The following PALLD variants were observed in gnomAD, a reference collection of about 807,000 sequenced individuals.
PALLD encodes the protein palladin, cytoskeletal associated protein, also known as palladin.
PALLD carries 61 observed loss-of-function variants against 123.5 expected under a neutral mutation model. The ratio of observed to expected loss-of-function variants is 0.49; its 90% CI spans 0.40 to 0.61. The LOEUF is 0.61. Ranked by LOEUF, PALLD falls within the 20% of genes least tolerant of loss-of-function variation. PALLD has a pLI of 0.00. For missense variants in PALLD, 1,273 were observed against 1,377.0 expected, an observed-to-expected ratio of 0.92 and a Z score of 1.20; for synonymous variants, 465 against 496.4, an observed-to-expected ratio of 0.94 and a Z score of 0.84.
intron 10 of PALLD, among the ~76,000 whole-genome samples, chr4:168,763,564 C>G (rs2150457323): frequency 6.6e-6 from 1 of 152,302 alleles, no homozygotes; most frequent in East Asian, 1.9e-4. Flanking sequence ...TTAAGCCACA[C>G]ACTTACAGAA....
At chr4:168,593,287 G>A (rs17054375) in intron 2 of PALLD, among the ~76,000 whole-genome samples, 6,498 of 151,728 alleles carry the variant, frequency 0.043, 437 homozygotes, top group African/African-American at 0.15. Flanking sequence ...GGATTCTTTC[G>A]AATATCATGG....
At chr4:168,840,882 G>A (rs1249812750) in intron 10 of PALLD, among the ~76,000 whole-genome samples, 1 of 151,996 alleles carries the variant, frequency 6.6e-6, no homozygotes, top group Non-Finnish European at 1.5e-5. Context: ...ACCAAGTTTC[G>A]CTCTGTTGCC....
At chr4:168,785,808 AGG>A (rs1195141574) in intron 10 of PALLD, among the ~76,000 whole-genome samples, 1 of 143,832 alleles carries the variant, frequency 7.0e-6, no homozygotes, top group Non-Finnish European at 1.5e-5. Flanking sequence ...TTTAAAATAA[AGG>A]GAGAGGGGAC....
intron 10 of PALLD, among the ~76,000 whole-genome samples, chr4:168,716,878 C>A (rs1032219997): frequency 6.6e-6 from 1 of 152,162 alleles, no homozygotes; most frequent in African/African-American, 2.4e-5. Flanking sequence ...GTTTCCTCCA[C>A]ACTCCTAGAC....
chr4:168,567,425 A>G (rs1768508204), intron 2 of PALLD, among the ~76,000 whole-genome samples: 1 of 151,984 alleles, frequency 6.6e-6, no homozygotes, highest in Admixed American at 6.6e-5. Context: ...AAAATGCTCA[A>G]CATTACTAAT....
At chr4:168,751,702 G>A (rs115497156) in intron 10 of PALLD, among the ~76,000 whole-genome samples, 160 of 152,274 alleles carry the variant, frequency 1.1e-3, no homozygotes, top group African/African-American at 3.6e-3. Context: ...GCATGCACAC[G>A]TATCATGTTC....
chr4:168,692,505 A>G (rs767730522), intron 8 of PALLD, among the ~76,000 whole-genome samples: 2 of 152,226 alleles, frequency 1.3e-5, no homozygotes, highest in African/African-American at 4.8e-5. Flanking sequence ...TTTCTAATAC[A>G]TGGATTTTCT....
intron 10 of PALLD, among the ~76,000 whole-genome samples, chr4:168,742,655 A>G (rs976366795): frequency 2.0e-5 from 3 of 152,194 alleles, no homozygotes; most frequent in African/African-American, 7.2e-5. Context: ...AAAATCAATA[A>G]TCAGAATTTT....
At chr4:168,848,128 T>C (rs1185689719) in intron 10 of PALLD, among the ~76,000 whole-genome samples, 1 of 151,898 alleles carries the variant, frequency 6.6e-6, no homozygotes, top group Non-Finnish European at 1.5e-5. Flanking sequence ...TGAGTTAGCC[T>C]CCTCCGGCAA....
intron 10 of PALLD, among the ~76,000 whole-genome samples, chr4:168,852,336 C>T (rs1372209060): frequency 6.6e-6 from 1 of 151,626 alleles, no homozygotes; most frequent in Non-Finnish European, 1.5e-5. Context: ...GTTTTGATCA[C>T]TACTAGATTT....
At chr4:168,621,879 T>C (rs1774796130) in intron 2 of PALLD, among the ~76,000 whole-genome samples, 1 of 152,102 alleles carries the variant, frequency 6.6e-6, no homozygotes, top group South Asian at 2.1e-4. Flanking sequence ...AAATCTACCG[T>C]AAAAGTCCTT....
At position 168,896,409 on chromosome 4, in the gene PALLD, G is replaced by T. The variant is rs1755178956; in HGVS notation, c.2200-140G>T. 4.6e-6 allele frequency: 3 copies of T among 646,572 alleles called. No individual in the cohort carries two copies. The African/African-American group carries it at 5.4e-5, about 12-fold the overall frequency. 40.1% of individuals were successfully genotyped at this position (646,572 alleles called of 1,614,324 possible). The stretch of plus-strand genomic sequence containing the variant: ...TGTACCAAAAGTGAGAAGCAGAATG[G>T]TTGTGTGAGTACTCACAGCACCGTT... On this transcript the variant is annotated intron_variant, in intron 12 of 21. Transcript: ENST00000505667.
chr4:168,846,613 G>A (rs1746890686), intron 10 of PALLD, among the ~76,000 whole-genome samples: 1 of 152,192 alleles, frequency 6.6e-6, no homozygotes, highest in African/African-American at 2.4e-5. Context: ...ATGGTAGTGA[G>A]ATGTAACAGA....
intron 8 of PALLD, among the ~76,000 whole-genome samples, chr4:168,707,251 G>C (rs1330647900): frequency 6.6e-6 from 1 of 152,206 alleles, no homozygotes; most frequent in Non-Finnish European, 1.5e-5. Flanking sequence ...CTGCAATACA[G>C]TAGAGCACCC....
At chr4:168,797,865 T>C (rs1362906810) in intron 10 of PALLD, among the ~76,000 whole-genome samples, 1 of 151,498 alleles carries the variant, frequency 6.6e-6, no homozygotes, top group Non-Finnish European at 1.5e-5. Context: ...GCTTGCTCGT[T>C]ACAAAGCATA....
intron 10 of PALLD, among the ~76,000 whole-genome samples, chr4:168,838,667 CTTTTTTTTTTTTTTTTT>C (rs70961558): frequency 2.3e-5 from 2 of 88,780 alleles, no homozygotes; most frequent in African/African-American, 1.1e-4. Context: ...CTTCTAACTC[CTTTTTTTTTTTTTTTTT>C]TTTTTTTTTG....
At chr4:168,923,738 C>T (rs2126556318) in intron 18 of PALLD, among the ~76,000 whole-genome samples, 1 of 152,280 alleles carries the variant, frequency 6.6e-6, no homozygotes, top group South Asian at 2.1e-4. Flanking sequence ...AAAGATGCCT[C>T]CCCTTTAAAT....
At chr4:168,826,071 A>C (rs1743379833) in intron 10 of PALLD, among the ~76,000 whole-genome samples, 1 of 152,234 alleles carries the variant, frequency 6.6e-6, no homozygotes, top group African/African-American at 2.4e-5. Flanking sequence ...TTCACCACTT[A>C]TTCAGGAGAA....
At chr4:168,507,548 C>T (rs1762123852) in intron 1 of PALLD, 2 of 199,604 alleles carry the variant, frequency 1.0e-5, no homozygotes, top group Non-Finnish European at 2.1e-5. Context: ...GTCCAGATGA[C>T]AGCAACACCA....
Sources: gnomAD v4.1 joint callset for allele counts (sites outside exome capture counted in the v4.1 genomes callset) on GRCh38, gnomAD v4.1.1 for gene constraint, MANE v1.5 for transcripts, NCBI Gene and HGNC (gene_info 2026-07-23, HGNC 2026-07-21) for gene names.